CCNY: variants seen among roughly 807,000 people sequenced by gnomAD.
CCNY encodes the protein cyclin-Y.
CCNY carries 19 observed loss-of-function variants against 42.8 expected under a neutral mutation model. The observed-to-expected ratio is 0.44, with a 90% CI of 0.31 to 0.65. The LOEUF is 0.65. Ranked by LOEUF, CCNY falls within the 30% of genes least tolerant of loss-of-function variation. The pLI is 0.07. For synonymous variants in CCNY, 165 were observed against 162.7 expected, an observed-to-expected ratio of 1.01 and a Z score of -0.11; for missense variants, 370 against 437.3, an observed-to-expected ratio of 0.85 and a Z score of 1.37.
At chr10:35,414,174 G>A (rs1036611734) in intron 1 of CCNY, among the ~76,000 whole-genome samples, 11 of 152,156 alleles carry the variant, frequency 7.2e-5, no homozygotes, top group African/African-American at 1.2e-4. Flanking sequence ...GGCATGAGTC[G>A]GAGCATGGCT....
chr10:35,481,152 C>T (rs745657025), intron 1 of CCNY, among the ~76,000 whole-genome samples: 8 of 152,172 alleles, frequency 5.3e-5, no homozygotes, highest in Non-Finnish European at 2.9e-5. Flanking sequence ...ACATCGGTTT[C>T]CGTGTCAATA....
Position 35,403,717 on chromosome 10 carries a change from G to T in CCNY, c.154+66510G>T, listed in dbSNP as rs569666067. Among the ~76,000 whole-genome samples the T allele has an allele frequency of 2.0e-5, 3 of 152,316 alleles. No individual in the cohort carries two copies. In the South Asian group the frequency reaches 6.2e-4, roughly 32 times the overall value. ...GGAGTCAATATAAATATTGACACGT[G>T]GTCTCTTTGCAAGAGTGAGGGCTTG... On this transcript the variant is annotated intron_variant, in intron 1 of 9. Transcript: ENST00000374704.
chr10:35,379,746 T>A (rs947047445), intron 1 of CCNY, among the ~76,000 whole-genome samples: 1 of 152,240 alleles, frequency 6.6e-6, no homozygotes, highest in African/African-American at 2.4e-5. Context: ...TGTTGCTTTC[T>A]TTTACTGAGA....
At position 35,429,358 on chromosome 10, in the gene CCNY, T is replaced by C. The variant is rs370178259; in HGVS notation, c.155-54046T>C. On this transcript the variant is annotated intron_variant, in intron 1 of 9. Transcript: ENST00000374704. Reference sequence around the variant, plus strand: ...AACATAAATGAACTTACTATTGTTATCTTAAAATGAATAAAGAAATATCAT... The same window carrying C: ...AACATAAATGAACTTACTATTGTTACCTTAAAATGAATAAAGAAATATCAT... 1.1e-4 allele frequency among the ~76,000 whole-genome samples: 17 copies of C among 152,370 alleles called. No homozygotes were observed. In the East Asian group the frequency reaches 2.7e-3, roughly 24 times the overall value.
chr10:35,399,836 T>C lies in CCNY; in HGVS notation c.154+62629T>C, dbSNP rs566359600. Among the ~76,000 whole-genome samples, 53 of 152,290 alleles carry C rather than the reference T, an allele frequency of 3.5e-4. 1 individual carries two copies. Among genetic ancestry groups the C allele is most frequent in the African/African-American group, 1.3e-3 (52 of 41,574 alleles). On this transcript the variant is annotated intron_variant, in intron 1 of 9. Transcript: ENST00000374704. ...GCGGGGGAGAAAATTCTGACTGTTA[T>C]GTAGCAAACCCTGAGAAGACTTCTT... is the stretch of plus-strand genomic sequence containing the variant.
chr10:35,338,322 T>A (rs1829612795), intron 1 of CCNY, among the ~76,000 whole-genome samples: 1 of 152,242 alleles, frequency 6.6e-6, no homozygotes, highest in Non-Finnish European at 1.5e-5. Flanking sequence ...TAAATGGTAG[T>A]TTAATCTTTT....
intron 2 of CCNY, among the ~76,000 whole-genome samples, chr10:35,249,923 G>A (rs946092092): frequency 6.6e-6 from 1 of 151,894 alleles, no homozygotes; most frequent in Non-Finnish European, 1.5e-5. Flanking sequence ...GGCCGGGTGC[G>A]GTGGCTCACG....
At chr10:35,492,204 G>T (rs1456290866) in intron 2 of CCNY, among the ~76,000 whole-genome samples, 1 of 152,228 alleles carries the variant, frequency 6.6e-6, no homozygotes, top group Admixed American at 6.5e-5. Flanking sequence ...CACTGGAACA[G>T]TGAGACACCA....
intron 3 of CCNY, among the ~76,000 whole-genome samples, chr10:35,270,866 C>G (rs1242959544): frequency 6.6e-6 from 1 of 151,698 alleles, no homozygotes; most frequent in Non-Finnish European, 1.5e-5. Context: ...GCTGGGACTA[C>G]AGGCGCCCGC....
intron 8 of CCNY, among the ~76,000 whole-genome samples, chr10:35,559,096 C>T (rs1177428399): frequency 6.6e-6 from 1 of 152,140 alleles, no homozygotes; most frequent in Non-Finnish European, 1.5e-5. Flanking sequence ...AAGAGGACAG[C>T]TGTAGAAAAT....
At chr10:35,274,363 T>C (rs770558089) in intron 3 of CCNY, among the ~76,000 whole-genome samples, 2 of 152,142 alleles carry the variant, frequency 1.3e-5, no homozygotes, top group Non-Finnish European at 2.9e-5. Context: ...CAATGCAAGA[T>C]GAAATTTGGA....
chr10:35,276,220 C>T (rs1462950882), intron 3 of CCNY, among the ~76,000 whole-genome samples: 1 of 152,164 alleles, frequency 6.6e-6, no homozygotes. Context: ...AAGCCCTATT[C>T]TTTGCTCTCT....
At chr10:35,531,237 A>T (rs905224019) in intron 7 of CCNY, among the ~76,000 whole-genome samples, 4 of 152,184 alleles carry the variant, frequency 2.6e-5, no homozygotes, top group Admixed American at 1.3e-4. Flanking sequence ...TATCCTGGAG[A>T]TCAGAATACC....
At chr10:35,380,244 A>G (rs966405647) in intron 1 of CCNY, among the ~76,000 whole-genome samples, 1 of 152,230 alleles carries the variant, frequency 6.6e-6, no homozygotes, top group East Asian at 1.9e-4. Flanking sequence ...GAGTCAGCTC[A>G]GGGTCCAATC....
At chr10:35,419,119 T>G (rs979756300) in intron 1 of CCNY, among the ~76,000 whole-genome samples, 3 of 152,196 alleles carry the variant, frequency 2.0e-5, no homozygotes, top group Non-Finnish European at 4.4e-5. Context: ...GGGTGGGATA[T>G]AATAGTATTT....
upstream of CCNY, among the ~76,000 whole-genome samples, chr10:35,335,062 C>A (rs1835995340): frequency 7.2e-6 from 1 of 138,392 alleles, no homozygotes; most frequent in Non-Finnish European, 1.6e-5. Flanking sequence ...CAGCTCCCAC[C>A]CCCACCCCCC....
At chr10:35,269,564 C>G (rs546037245) in intron 3 of CCNY, among the ~76,000 whole-genome samples, 1 of 151,842 alleles carries the variant, frequency 6.6e-6, no homozygotes, top group South Asian at 2.1e-4. Context: ...CTCAACCTCC[C>G]AAAGTGCTAG....
In CCNY at chr10:35,548,064, G is replaced by A. The variant is rs987924997; in HGVS notation, c.580-4955G>A. The stretch of plus-strand genomic sequence containing the variant: ...GAACAACTCCAGGGTTAGAGGCATG[G>A]AACCCTGCACAGTTGAAAATCCACA... On this transcript the variant is annotated intron_variant, in intron 7 of 9. Coordinates refer to ENST00000374704, the MANE Select transcript of CCNY (RefSeq NM_145012.6). Among the ~76,000 whole-genome samples, 6 of 151,984 alleles carry A rather than the reference G, an allele frequency of 3.9e-5. 1 individual carries two copies. The South Asian group carries it at 1.0e-3, about 26-fold the overall frequency.
intron 1 of CCNY, among the ~76,000 whole-genome samples, chr10:35,448,889 T>G (rs538500677): frequency 6.6e-6 from 1 of 152,008 alleles, no homozygotes; most frequent in South Asian, 2.1e-4. Context: ...CAATGGAGTA[T>G]CCCCAGGGGG....
Sources: allele counts gnomAD v4.1 joint callset (sites outside exome capture counted in the v4.1 genomes callset), GRCh38; gene constraint gnomAD v4.1.1; transcripts MANE v1.5; gene names NCBI Gene and HGNC (gene_info 2026-07-23, HGNC 2026-07-21).